Variants in SUGCT observed in about 807,000 individuals in gnomAD.
The protein encoded by SUGCT is succinyl-CoA:glutarate CoA-transferase.
In SUGCT, 41 loss-of-function variants were observed where a neutral mutation model predicts 55.0. That is an observed-to-expected ratio of 0.74 (90% CI 0.58 to 0.97). SUGCT has a LOEUF of 0.97. SUGCT is among the 50% of genes least tolerant of loss of function. The pLI, the probability that SUGCT is intolerant of heterozygous loss-of-function variation, is 0.00. For missense variants in SUGCT, 568 were observed against 547.8 expected, an observed-to-expected ratio of 1.04 and a Z score of -0.37; for synonymous variants, 187 against 200.4, an observed-to-expected ratio of 0.93 and a Z score of 0.56.
chr7:40,862,701 T>TGTCC (rs1794514193), downstream of SUGCT, among the ~76,000 whole-genome samples: 1 of 151,682 alleles, frequency 6.6e-6, no homozygotes, highest in Non-Finnish European at 1.5e-5. Context: ...ATTGGAAGTG[T>TGTCC]GTCCGTAAGC....
intron 12 of SUGCT, among the ~76,000 whole-genome samples, chr7:40,713,576 C>A (rs1450493978): frequency 6.6e-6 from 1 of 152,194 alleles, no homozygotes; most frequent in Non-Finnish European, 1.5e-5. Flanking sequence ...CACTGCCTTG[C>A]AAGTCCTACC....
At chr7:40,171,184 T>C (rs1384836119) in intron 1 of SUGCT, among the ~76,000 whole-genome samples, 1 of 152,180 alleles carries the variant, frequency 6.6e-6, no homozygotes. Context: ...TTAAGTCCTT[T>C]TGGGTAAGAA....
intron 12 of SUGCT, among the ~76,000 whole-genome samples, chr7:40,640,174 A>T (rs995953222): frequency 7.9e-5 from 12 of 152,192 alleles, no homozygotes; most frequent in African/African-American, 2.4e-4. Flanking sequence ...AAAATCAAAC[A>T]ATGAAACTAA....
At chr7:40,332,994 C>T (rs4461801) in intron 9 of SUGCT, among the ~76,000 whole-genome samples, 14,870 of 152,024 alleles carry the variant, frequency 0.098, 885 homozygotes, top group Non-Finnish European at 0.15. Context: ...TTTGTAGAAA[C>T]GTATAGTCCC....
intron 6 of SUGCT, among the ~76,000 whole-genome samples, chr7:40,205,368 G>A (rs145309324): frequency 2.4e-3 from 368 of 151,952 alleles, no homozygotes; most frequent in African/African-American, 8.2e-3. Context: ...TTGGCCGGGC[G>A]CGGTGGCTCA....
chr7:40,527,387 T>A (rs541717423), intron 12 of SUGCT, among the ~76,000 whole-genome samples: 98 of 152,348 alleles, frequency 6.4e-4, no homozygotes, highest in Non-Finnish European at 1.3e-3. Flanking sequence ...ACTCTCTTGT[T>A]GCATTAGATT....
chr7:40,705,071 A>C (rs1785334689), intron 12 of SUGCT, among the ~76,000 whole-genome samples: 1 of 152,152 alleles, frequency 6.6e-6, no homozygotes, highest in South Asian at 2.1e-4. Flanking sequence ...ATAGTCGTTT[A>C]TCAGTTCTTT....
the SUGCT span, among the ~76,000 whole-genome samples, chr7:40,948,374 A>T: frequency 6.6e-6 from 1 of 152,142 alleles, no homozygotes; most frequent in African/African-American, 2.4e-5. Flanking sequence ...ACTTAGACTG[A>T]AATGTAACCC....
At chr7:40,635,933 C>T (rs1329325027) in intron 12 of SUGCT, among the ~76,000 whole-genome samples, 1 of 152,174 alleles carries the variant, frequency 6.6e-6, no homozygotes, top group Non-Finnish European at 1.5e-5. Flanking sequence ...CATATTGTCT[C>T]CAGGATTCCC....
At chr7:40,682,433 A>G (rs1045978468) in intron 12 of SUGCT, among the ~76,000 whole-genome samples, 6 of 152,162 alleles carry the variant, frequency 3.9e-5, no homozygotes, top group Non-Finnish European at 5.9e-5. Context: ...ACAGGTCACA[A>G]CCTGGGGCTT....
chr7:40,904,897 G>A, the SUGCT span, among the ~76,000 whole-genome samples: 1 of 152,096 alleles, frequency 6.6e-6, no homozygotes, highest in Admixed American at 6.5e-5. Flanking sequence ...CCAATATCCA[G>A]ATTTAGTACA....
intron 6 of SUGCT, among the ~76,000 whole-genome samples, chr7:40,226,708 A>G (rs1788386015): frequency 6.6e-6 from 1 of 151,540 alleles, no homozygotes; most frequent in Non-Finnish European, 1.5e-5. Context: ...TCTGGTCTTC[A>G]GTTTTTTTCA....
chr7:40,183,527 G>A (rs1295610203), intron 3 of SUGCT, among the ~76,000 whole-genome samples: 1 of 151,962 alleles, frequency 6.6e-6, no homozygotes, highest in Admixed American at 6.6e-5. Flanking sequence ...ATTTTTTTGT[G>A]TGTGTAGAGA....
At chr7:40,721,817 G>A (rs1786352846) in intron 12 of SUGCT, among the ~76,000 whole-genome samples, 1 of 152,170 alleles carries the variant, frequency 6.6e-6, no homozygotes, top group South Asian at 2.1e-4. Context: ...ATGCATATGT[G>A]TACAATCTGT....
chr7:40,417,815 T>A (rs1194416906), intron 9 of SUGCT, among the ~76,000 whole-genome samples: 5 of 151,858 alleles, frequency 3.3e-5, no homozygotes, highest in Admixed American at 1.3e-4. Context: ...TGGGTATGAA[T>A]CTCTTTGTCG....
intron 12 of SUGCT, among the ~76,000 whole-genome samples, chr7:40,708,430 A>G (rs1457329600): frequency 6.6e-6 from 1 of 152,194 alleles, no homozygotes; most frequent in East Asian, 1.9e-4. Context: ...GGAAGCCGTT[A>G]GTGTTTGTTT....
chr7:40,749,398 T>G (rs946198352), intron 12 of SUGCT, 36 bp from the exon 13 acceptor site: 1 of 1,572,798 alleles, frequency 6.4e-7, no homozygotes, highest in Non-Finnish European at 8.8e-7. Flanking sequence ...GGTTTTATTT[T>G]GTAAATTATT....
At chr7:40,350,216 A>C (rs1233839586) in intron 9 of SUGCT, among the ~76,000 whole-genome samples, 1 of 151,374 alleles carries the variant, frequency 6.6e-6, no homozygotes, top group Non-Finnish European at 1.5e-5. Context: ...CTTTGTACTT[A>C]TTACAATTTG....
At chr7:40,259,707 C>T (rs1791092746) in intron 7 of SUGCT, among the ~76,000 whole-genome samples, 1 of 152,176 alleles carries the variant, frequency 6.6e-6, no homozygotes, top group Non-Finnish European at 1.5e-5. Flanking sequence ...CATTCATTTG[C>T]TCAACCCACT....
Sources: allele counts gnomAD v4.1 joint callset (sites outside exome capture counted in the v4.1 genomes callset), GRCh38; gene constraint gnomAD v4.1.1; transcripts MANE v1.5; gene names NCBI Gene and HGNC (gene_info 2026-07-23, HGNC 2026-07-21).